The following EPHA2 variants were observed in gnomAD, a reference collection of about 807,000 sequenced individuals.
EPHA2 encodes the protein EPH receptor A2, also known as ephrin type-A receptor 2.
A neutral mutation model predicts 104.9 loss-of-function variants in EPHA2; 54 were observed. The observed-to-expected ratio is 0.51, with a 90% CI of 0.41 to 0.65. The LOEUF is 0.65. EPHA2 is among the 30% of genes least tolerant of loss of function. EPHA2 has a pLI of 0.00. For missense variants in EPHA2, 1,117 were observed against 1,369.5 expected (o/e 0.82, Z 2.91); for synonymous variants, 560 against 559.1 (o/e 1.00, Z -0.02).
In EPHA2 at chr1:16,124,750, G is replaced by T. The variant is rs1044757627; in HGVS notation, c.*465C>A. 8 of 178,734 alleles carry T rather than the reference G, an allele frequency of 4.5e-5. No individual in the cohort carries two copies. Among genetic ancestry groups the T allele is most frequent in the African/African-American group, 1.9e-4 (8 of 43,018 alleles). The allele number at this position is 178,734 out of a possible 1,614,324, so 11.1% of individuals were successfully genotyped here. On this transcript the variant is annotated 3_prime_UTR_variant, in exon 17 of 17. Transcript: ENST00000358432. ...GAGGGTCTAAAGAAGGCACTAGAGG[G>T]ACAGGGACCGCTTTGGGTCTCACCC... is the stretch of plus-strand genomic sequence containing the variant.
Position 16,135,175 on chromosome 1 carries a change from G to A in EPHA2, c.1443C>T (p.Ser481=), listed in dbSNP as rs2124214122. The change falls in exon 7 of 17, where the codon AGC becomes AGT. Residue 481 remains serine, a synonymous_variant. Coordinates refer to ENST00000358432, the MANE Select transcript of EPHA2 (RefSeq NM_004431.5). This position sits in a 1 kb window ranked among gnomAD's most constrained non-coding sequence, Gnocchi z 4.3. ...AACCCTCGGTGCGGCGCACATTGTA[G>A]CTGTTGGAGTCTCCCTGTGGGTGGG... ...VTYRKKGDSN[S]YNVRRTEGFS... 6.2e-7 allele frequency: 1 copy of A among 1,613,904 alleles called. No individual in the cohort carries two copies.
rs1050342910 is a variant in EPHA2, at chr1:16,129,355, G to A, written c.2825+79C>T. 13 of 1,526,662 alleles carry A rather than the reference G, an allele frequency of 8.5e-6. No individual in the cohort carries two copies. The South Asian group carries it at 1.2e-4, about 15-fold the overall frequency. The allele number at this position is 1,526,662 out of a possible 1,614,324, so 94.6% of individuals were successfully genotyped here. On this transcript the variant is annotated intron_variant, in intron 16 of 16. Coordinates refer to ENST00000358432, the MANE Select transcript of EPHA2 (RefSeq NM_004431.5). Reference sequence around the variant, plus strand: ...GAGAGGAGCATTGAGGGGCAGGGAAGAGGGCTGGGGGGGGCATGGAGGCAG... The same window carrying A: ...GAGAGGAGCATTGAGGGGCAGGGAAAAGGGCTGGGGGGGGCATGGAGGCAG...
rs2124210566 is a variant in EPHA2, at chr1:16,134,374, C to G, written c.1682+94G>C. 4.6e-6 allele frequency: 6 copies of G among 1,300,854 alleles called. No homozygotes were observed. The highest frequency in any genetic ancestry group is 5.5e-6 in the Non-Finnish European group (5 of 910,458). 80.6% of individuals were successfully genotyped at this position (1,300,854 alleles called of 1,614,324 possible). On this transcript the variant is annotated intron_variant, in intron 8 of 16. Transcript: ENST00000358432. The surrounding 1 kb of genome is among the most constrained non-coding windows in gnomAD (Gnocchi z 4.5). ...GCAGGGATTAGACTCGACTAGCATC[C>G]TGTGGGCCCCATCGTTCAGATGAGG...
At chr1:16,133,812 G>A in intron 9 of EPHA2, 48 bp downstream of exon 9, 1 of 1,521,308 alleles carries the variant, frequency 6.6e-7, no homozygotes, top group East Asian at 2.5e-5. Context: ...CCACAGAGCT[G>A]GGGACGGTGC....
At chr1:16,154,708 A>C (rs2025115765) in intron 1 of EPHA2, among the ~76,000 whole-genome samples, 1 of 124,082 alleles carries the variant, frequency 8.1e-6, no homozygotes, top group African/African-American at 2.9e-5. Context: ...GTGAGCCGAG[A>C]TTGCGCCATT....
intron 3 of EPHA2, among the ~76,000 whole-genome samples, chr1:16,141,856 C>T (rs2024830415): frequency 2.0e-5 from 3 of 152,250 alleles, no homozygotes; most frequent in African/African-American, 7.2e-5. Context: ...GCAGCGTCAA[C>T]AGGGCATGTG....
chr1:16,125,371 G>T lies in EPHA2; in HGVS notation c.2826-51C>A. Reference sequence around the variant, plus strand: ...GAGTTAGGGGCTGGAGCAGGGGAGGGGGCCGGGCTGGGTGGGGACAGGACT... The same window carrying T: ...GAGTTAGGGGCTGGAGCAGGGGAGGTGGCCGGGCTGGGTGGGGACAGGACT... On this transcript the variant is annotated intron_variant, in intron 16 of 16. Coordinates refer to ENST00000358432, the MANE Select transcript of EPHA2 (RefSeq NM_004431.5). This position sits in a 1 kb window ranked among gnomAD's most constrained non-coding sequence, Gnocchi z 4.9. The T allele has an allele frequency of 8.7e-7, 1 of 1,153,986 alleles. No homozygotes were observed. Among genetic ancestry groups the T allele is most frequent in the South Asian group, 1.4e-5 (1 of 73,380 alleles). 71.5% of individuals were successfully genotyped at this position (1,153,986 alleles called of 1,614,324 possible).
intron 3 of EPHA2, among the ~76,000 whole-genome samples, chr1:16,142,904 GGGTT>G: frequency 6.6e-6 from 1 of 150,582 alleles, no homozygotes; most frequent in African/African-American, 2.5e-5. Flanking sequence ...GTGGATGGGT[GGGTT>G]GGTGGGTGGA....
Position 16,135,832 on chromosome 1 carries a change from G to A in EPHA2, c.1313-62C>T. 1 of 807,046 alleles carries A rather than the reference G, an allele frequency of 1.2e-6. No individual in the cohort carries two copies. The highest frequency in any genetic ancestry group is 2.2e-6 in the Non-Finnish European group (1 of 456,066). 50.0% of individuals were successfully genotyped at this position (807,046 alleles called of 1,614,324 possible). On this transcript the variant is annotated intron_variant, in intron 5 of 16. Coordinates refer to ENST00000358432, the MANE Select transcript of EPHA2 (RefSeq NM_004431.5). This position sits in a 1 kb window ranked among gnomAD's most constrained non-coding sequence, Gnocchi z 4.3. Reference sequence around the variant, plus strand: ...GCTGCCTACGAGCAGGCAGGGTTTGGGGGGACAAGTGGACGTGGAGCCACA... The same window carrying A: ...GCTGCCTACGAGCAGGCAGGGTTTGAGGGGACAAGTGGACGTGGAGCCACA...
rs2025010477 is a variant in EPHA2 at position 16,150,275 on chromosome 1, G to A, written c.153+621C>T. Among the ~76,000 whole-genome samples, 1 of 152,286 alleles carries A rather than the reference G, an allele frequency of 6.6e-6. No homozygotes were observed. The highest frequency in any genetic ancestry group is 2.1e-4 in the South Asian group (1 of 4,830). The stretch of plus-strand genomic sequence containing the variant: ...AGAGAGGGAAACTGAGGCCCCGAGA[G>A]CCACATCTTCCCCAAGATCACACAG... On this transcript the variant is annotated intron_variant, in intron 2 of 16. Transcript: ENST00000358432. This position sits in a 1 kb window ranked among gnomAD's most constrained non-coding sequence, Gnocchi z 4.8.
chr1:16,136,773 G>GAAGAAC (rs869033211), intron 5 of EPHA2, among the ~76,000 whole-genome samples: 51 of 146,600 alleles, frequency 3.5e-4, no homozygotes, highest in Non-Finnish European at 5.0e-4. Context: ...AGAAGAAGAA[G>GAAGAAC]AACTAACTTT....
chr1:16,148,109 C>A lies in EPHA2; in HGVS notation c.823+269G>T, dbSNP rs2124259178. On this transcript the variant is annotated intron_variant, in intron 3 of 16. Coordinates refer to ENST00000358432, the MANE Select transcript of EPHA2 (RefSeq NM_004431.5). The surrounding 1 kb of genome is among the most constrained non-coding windows in gnomAD (Gnocchi z 4.9). ...CAGGCTGGTCTCAAACTCCTGGGCT[C>A]AAGTGATCCACCCACCTCAGCCTCC... Among the ~76,000 whole-genome samples the A allele has an allele frequency of 6.6e-6, 1 of 152,260 alleles. No individual in the cohort carries two copies. The highest frequency in any genetic ancestry group is 1.5e-5 in the Non-Finnish European group (1 of 68,018).
chr1:16,125,329 C>G lies in EPHA2; in HGVS notation c.2826-9G>C, dbSNP rs886041412. 1 of 1,177,560 alleles carries G rather than the reference C, an allele frequency of 8.5e-7. No homozygotes were observed. The highest frequency in any genetic ancestry group is 6.6e-5 in the East Asian group (1 of 15,090). The allele number at this position is 1,177,560 out of a possible 1,614,324, so 72.9% of individuals were successfully genotyped here. A position where few individuals can be genotyped will look rare whatever the true frequency, so the allele number is the denominator to read the frequency against. ...CAATCCTCTTGATGTCGCTGTGGGC[C>G]GGGAGGGAGAGAGGGAGAGTTAGGG... On this transcript the variant is annotated splice_polypyrimidine_tract_variant and intron_variant, in intron 16 of 16. Coordinates refer to ENST00000358432, the MANE Select transcript of EPHA2 (RefSeq NM_004431.5). The surrounding 1 kb of genome is among the most constrained non-coding windows in gnomAD (Gnocchi z 4.9).
Position 16,138,011 on chromosome 1 carries a change from T to C in EPHA2, c.1154A>G (p.Tyr385Cys). Residue 385 changes from tyrosine (Y) to cysteine (C), a missense_variant, in exon 5 of 17, where the codon TAC becomes TGC. This residue lies in a region of EPHA2 where 664 missense variants were observed against 784.8 expected (regional missense o/e 0.85). Transcript: ENST00000358432. The part of the protein sequence containing the change: ...ECGPCEASVR[Y>C]SEPPHGLTRT... The stretch of plus-strand genomic sequence containing the variant: ...GGTCAGTCCGTGAGGAGGCTCCGAG[T>C]AGCGCACACTGGCCTCACACGGCCC... The C allele has an allele frequency of 6.2e-7, 1 of 1,613,874 alleles. No individual in the cohort carries two copies. Among genetic ancestry groups the C allele is most frequent in the Non-Finnish European group, 8.5e-7 (1 of 1,179,990 alleles).
intron 16 of EPHA2, among the ~76,000 whole-genome samples, chr1:16,129,171 A>G (rs527335223): frequency 5.3e-5 from 8 of 150,902 alleles, no homozygotes; most frequent in Admixed American, 3.3e-4. Flanking sequence ...CTCAGTAAAC[A>G]GTAGCTACTG....
At chr1:16,147,832 C>T (rs950738148) in intron 3 of EPHA2, among the ~76,000 whole-genome samples, 3 of 151,686 alleles carry the variant, frequency 2.0e-5, no homozygotes, top group African/African-American at 7.3e-5. Flanking sequence ...TCAGAGTCAT[C>T]AATCATAAAC....
Position 16,130,788 on chromosome 1 carries a change from C to G in EPHA2, c.2476-369G>C, listed in dbSNP as rs1404758756. ...GAGACTACAGGCACGTGCCAACACACTTGGCTAATTTTTTAATTTTTTGTA... is the reference window on the plus strand; with the variant it reads ...GAGACTACAGGCACGTGCCAACACAGTTGGCTAATTTTTTAATTTTTTGTA... On this transcript the variant is annotated intron_variant, in intron 14 of 16. Coordinates refer to ENST00000358432, the MANE Select transcript of EPHA2 (RefSeq NM_004431.5). The surrounding 1 kb of genome is among the most constrained non-coding windows in gnomAD (Gnocchi z 4.5). 1.1e-4 allele frequency among the ~76,000 whole-genome samples: 17 copies of G among 152,156 alleles called. No homozygotes were observed. The highest frequency in any genetic ancestry group is 2.9e-5 in the Non-Finnish European group (2 of 68,032).
chr1:16,145,840 T>G (rs931651041), intron 3 of EPHA2, among the ~76,000 whole-genome samples: 2 of 152,370 alleles, frequency 1.3e-5, no homozygotes, highest in East Asian at 3.9e-4. Context: ...CAGATCCTGA[T>G]GCAGCCACAT....
Position 16,132,122 on chromosome 1 carries a change from G to A in EPHA2, c.2267C>T (p.Ser756Phe). ...CAGCACGCGGGACAGGCCAAAGTCAGACACCTTGCAGACCAGGTTGCTGTT... is the reference window on the plus strand; with the variant it reads ...CAGCACGCGGGACAGGCCAAAGTCAAACACCTTGCAGACCAGGTTGCTGTT... ...LVNSNLVCKV[S>F]DFGLSRVLED... The change falls in exon 13 of 17, where the codon TCT (serine) becomes TTT (phenylalanine). Residue 756 changes from serine (S) to phenylalanine (F), a missense_variant. Ser to Phe is a radical substitution (Grantham distance 155). This residue lies in a region of EPHA2 where 340 missense variants were observed against 480.5 expected (regional missense o/e 0.71). Transcript: ENST00000358432. 6.2e-7 allele frequency: 1 copy of A among 1,614,234 alleles called. No individual in the cohort carries two copies. The highest frequency in any genetic ancestry group is 1.3e-5 in the African/African-American group (1 of 75,058).
Sources: allele counts gnomAD v4.1 joint callset (sites outside exome capture counted in the v4.1 genomes callset), GRCh38; gene constraint gnomAD v4.1.1; regional missense constraint gnomAD v4.1.1; non-coding constraint Gnocchi (gnomAD v3.1); transcripts MANE v1.5; gene names NCBI Gene and HGNC (gene_info 2026-07-23, HGNC 2026-07-21).